Variants in KHDRBS1 observed in about 807,000 individuals in gnomAD.
The protein encoded by KHDRBS1 is KH domain-containing, RNA-binding, signal transduction-associated protein 1.
A neutral mutation model predicts 48.4 loss-of-function variants in KHDRBS1; 7 were observed. That is an observed-to-expected ratio of 0.14 (90% confidence interval 0.08 to 0.27). The LOEUF is 0.27. Among genes scored for constraint, KHDRBS1 ranks in the 10% least tolerant of loss-of-function variants. KHDRBS1 has a pLI of 1.00. For missense variants in KHDRBS1, 458 were observed against 601.2 expected (o/e 0.76, Z 2.49); for synonymous variants, 241 against 235.8 (o/e 1.02, Z -0.20).
chr1:32,053,473 C>CT (rs1225193949), intron 10 of KHDRBS1, among the ~76,000 whole-genome samples: 31 of 152,096 alleles, frequency 2.0e-4, no homozygotes, highest in Non-Finnish European at 3.8e-4. Context: ...TCGCTGCAGC[C>CT]TTGAACTCCT....
chr1:32,035,998 T>G (rs1337740853), intron 4 of KHDRBS1, among the ~76,000 whole-genome samples: 2 of 152,126 alleles, frequency 1.3e-5, no homozygotes, highest in East Asian at 3.8e-4. Flanking sequence ...AAAAAGCCTG[T>G]TGATCCAACA....
At chr1:32,042,465 C>T in intron 8 of KHDRBS1, 62 bp from the exon 9 acceptor site, 2 of 1,047,996 alleles carry the variant, frequency 1.9e-6, no homozygotes, top group Non-Finnish European at 3.0e-6. Context: ...TGTGACCTAT[C>T]CCTGCTTATC....
chr1:32,028,791 C>T (rs184628099), intron 1 of KHDRBS1, among the ~76,000 whole-genome samples: 2 of 151,626 alleles, frequency 1.3e-5, no homozygotes, highest in African/African-American at 4.8e-5. Context: ...AAGCGTGAGC[C>T]ACCGCACCTG....
At chr1:32,018,002 G>T (rs944915402) in intron 1 of KHDRBS1, among the ~76,000 whole-genome samples, 1 of 152,146 alleles carries the variant, frequency 6.6e-6, no homozygotes, top group African/African-American at 2.4e-5. Flanking sequence ...AAAAGATCTT[G>T]GAGAGATACT....
intron 4 of KHDRBS1, among the ~76,000 whole-genome samples, chr1:32,034,874 G>A (rs1038877008): frequency 7.2e-5 from 11 of 151,788 alleles, no homozygotes; most frequent in Non-Finnish European, 1.3e-4. Context: ...CCAGCTAATC[G>A]GGAGGCTGGG....
At chr1:32,034,557 T>C (rs1639139585) in intron 4 of KHDRBS1, among the ~76,000 whole-genome samples, 4 of 151,862 alleles carry the variant, frequency 2.6e-5, no homozygotes, top group Admixed American at 2.6e-4. Flanking sequence ...TGAAACTCCA[T>C]CTCCAAAAAA....
intron 4 of KHDRBS1, among the ~76,000 whole-genome samples, chr1:32,034,148 T>C (rs1639131931): frequency 2.0e-5 from 3 of 152,212 alleles, no homozygotes; most frequent in Admixed American, 2.0e-4. Context: ...GTAAGCGTCA[T>C]GTGTTCATCA....
chr1:32,048,137 A>G (rs1006144504), downstream of KHDRBS1, among the ~76,000 whole-genome samples: 1 of 152,208 alleles, frequency 6.6e-6, no homozygotes. Context: ...TTTAAACTGA[A>G]TCTGCTTTGG....
chr1:32,015,083 G>A (rs1210881315), intron 1 of KHDRBS1, among the ~76,000 whole-genome samples: 1 of 152,194 alleles, frequency 6.6e-6, no homozygotes, highest in East Asian at 1.9e-4. Flanking sequence ...GAAATGGGAC[G>A]ATAGGGACTC....
intron 8 of KHDRBS1, among the ~76,000 whole-genome samples, chr1:32,042,019 A>G (rs954236886): frequency 5.9e-5 from 9 of 152,166 alleles, no homozygotes; most frequent in Non-Finnish European, 8.8e-5. Flanking sequence ...CCAGGGAGCT[A>G]GAGGACACTT....
At chr1:32,052,688 CG>C (rs1174989363) in intron 10 of KHDRBS1, 1 of 152,040 alleles carries the variant, frequency 6.6e-6, no homozygotes, top group Non-Finnish European at 1.5e-5. Flanking sequence ...TGAGCCACTG[CG>C]CCCAGCCGAG....
intron 1 of KHDRBS1, among the ~76,000 whole-genome samples, chr1:32,029,781 C>T (rs1370895908): frequency 2.6e-5 from 4 of 152,166 alleles, no homozygotes; most frequent in Admixed American, 6.5e-5. Context: ...GGCATATCTA[C>T]GTATTTTATT....
chr1:32,032,871 G>A (rs972785911), intron 3 of KHDRBS1, among the ~76,000 whole-genome samples: 1 of 152,060 alleles, frequency 6.6e-6, no homozygotes, highest in Admixed American at 6.6e-5. Context: ...TGTATTTTTA[G>A]TAGAGACGGG....
chr1:32,016,012 C>G (rs530354413), intron 1 of KHDRBS1, among the ~76,000 whole-genome samples: 3 of 152,146 alleles, frequency 2.0e-5, no homozygotes, highest in African/African-American at 7.2e-5. Flanking sequence ...AACCCCGTCT[C>G]TACTAAAAAT....
At chr1:32,054,700 C>G (rs1209471323) in intron 10 of KHDRBS1, among the ~76,000 whole-genome samples, 1 of 152,194 alleles carries the variant, frequency 6.6e-6, no homozygotes, top group African/African-American at 2.4e-5. Context: ...CTTGTCCAGC[C>G]TATGGCCCGG....
intron 10 of KHDRBS1, among the ~76,000 whole-genome samples, chr1:32,055,224 C>T (rs532148986): frequency 2.5e-3 from 373 of 152,156 alleles, no homozygotes; most frequent in Non-Finnish European, 4.3e-3. Flanking sequence ...CCAAGGCGGG[C>T]GGATCATGAG....
intron 1 of KHDRBS1, among the ~76,000 whole-genome samples, chr1:32,017,103 C>A (rs1434986036): frequency 3.3e-5 from 5 of 152,060 alleles, no homozygotes; most frequent in Admixed American, 3.3e-4. Flanking sequence ...ACCAAAAATA[C>A]AAAAATTAGC....
chr1:32,059,175 A>G (rs1407902698), intron 10 of KHDRBS1, among the ~76,000 whole-genome samples: 15 of 151,408 alleles, frequency 9.9e-5, no homozygotes, highest in African/African-American at 1.2e-4. Flanking sequence ...GAAAAAAAAA[A>G]AAAAAAAAAC....
intron 1 of KHDRBS1, among the ~76,000 whole-genome samples, chr1:32,028,861 C>T (rs773132278): frequency 2.6e-4 from 40 of 151,418 alleles, no homozygotes; most frequent in Non-Finnish European, 5.5e-4. Flanking sequence ...AGTTGCTACT[C>T]ATCCTTGGGC....
Sources: gnomAD v4.1 joint callset for allele counts (sites outside exome capture counted in the v4.1 genomes callset) on GRCh38, gnomAD v4.1.1 for gene constraint, MANE v1.5 for transcripts, NCBI Gene and HGNC (gene_info 2026-07-23, HGNC 2026-07-21) for gene names.